The following RIN3 variants were observed in gnomAD, a reference collection of about 807,000 sequenced individuals.
The protein encoded by RIN3 is Ras and Rab interactor 3.
In RIN3, 54 loss-of-function variants were observed where a neutral mutation model predicts 76.3. That is an observed-to-expected ratio of 0.71 (90% confidence interval 0.57 to 0.89). RIN3 has a LOEUF of 0.89. Among genes scored for constraint, RIN3 ranks in the 40% least tolerant of loss-of-function variants. RIN3 has a pLI of 0.00. For missense variants in RIN3, 1,256 were observed against 1,322.1 expected (o/e 0.95, Z 0.78); for synonymous variants, 576 against 564.0 (o/e 1.02, Z -0.30).
chr14:92,685,459 AG>A lies in RIN3; in HGVS notation c.2631+313del. The stretch of plus-strand genomic sequence containing the variant: ...CCCCTCCTAGGACCCAGCACCCTGC[AG>A]GGGCTGGAGATGGGGACTTGTCATC... On this transcript the variant is annotated intron_variant, in intron 9 of 9. Transcript: ENST00000216487. This position sits in a 1 kb window ranked among gnomAD's most constrained non-coding sequence, Gnocchi z 4.7. The A allele has an allele frequency of 3.4e-6, 1 of 295,576 alleles. No homozygotes were observed. Among genetic ancestry groups the A allele is most frequent in the Non-Finnish European group, 6.5e-6 (1 of 154,814 alleles). The allele number at this position is 295,576 out of a possible 1,614,324, so 18.3% of individuals were successfully genotyped here.
At chr14:92,543,914 A>G (rs181290537) in intron 1 of RIN3, among the ~76,000 whole-genome samples, 6 of 151,974 alleles carry the variant, frequency 3.9e-5, no homozygotes, top group Admixed American at 1.3e-4. Context: ...CTGCCTCCTA[A>G]CAGTCTCAGA....
At chr14:92,556,083 C>A in intron 2 of RIN3, 128 bp downstream of exon 2, 1 of 783,432 alleles carries the variant, frequency 1.3e-6, no homozygotes, top group Admixed American at 2.5e-5. Context: ...ATTTCCCTTT[C>A]CTACATTTGT....
intron 3 of RIN3, among the ~76,000 whole-genome samples, chr14:92,611,076 T>A (rs1045710295): frequency 6.6e-6 from 1 of 152,186 alleles, no homozygotes. Context: ...CTCTCACAGT[T>A]CTGGAGGCCA....
At chr14:92,599,538 G>A (rs1459909190) in intron 3 of RIN3, among the ~76,000 whole-genome samples, 1 of 152,132 alleles carries the variant, frequency 6.6e-6, no homozygotes, top group Non-Finnish European at 1.5e-5. Flanking sequence ...TAACAGCAAG[G>A]GACGCAGTGA....
chr14:92,615,243 G>A (rs554742546), intron 3 of RIN3, among the ~76,000 whole-genome samples, 164 bp from the exon 4 acceptor site: 2 of 152,216 alleles, frequency 1.3e-5, no homozygotes, highest in East Asian at 3.9e-4. Flanking sequence ...ACTTACCTAA[G>A]GTCCAGCTGG....
At chr14:92,658,817 G>C (rs1887768031) in intron 6 of RIN3, among the ~76,000 whole-genome samples, 1 of 152,204 alleles carries the variant, frequency 6.6e-6, no homozygotes, top group African/African-American at 2.4e-5. Flanking sequence ...TGCCCAGGTT[G>C]TACACTGTAC....
At chr14:92,619,435 C>CT (rs33981976) in intron 4 of RIN3, among the ~76,000 whole-genome samples, 415 of 73,128 alleles carry the variant, frequency 5.7e-3, no homozygotes, top group East Asian at 0.021. Context: ...TTCTAGTAGT[C>CT]TTTTTTTTTT....
At chr14:92,581,539 C>T (rs1898436616) in intron 3 of RIN3, among the ~76,000 whole-genome samples, 1 of 152,126 alleles carries the variant, frequency 6.6e-6, no homozygotes, top group South Asian at 2.1e-4. Flanking sequence ...GGAGGAAAGG[C>T]ACATCAGGCT....
intron 6 of RIN3, among the ~76,000 whole-genome samples, chr14:92,658,354 G>A (rs1419360802): frequency 6.6e-6 from 1 of 152,260 alleles, no homozygotes; most frequent in East Asian, 1.9e-4. Flanking sequence ...CCCGGGGCAG[G>A]AGCAGGCCTG....
chr14:92,599,348 G>A (rs1434357123), intron 3 of RIN3, among the ~76,000 whole-genome samples: 5 of 152,206 alleles, frequency 3.3e-5, no homozygotes, highest in African/African-American at 1.2e-4. Flanking sequence ...AGACCAGGCA[G>A]TTATGGCAGA....
chr14:92,663,876 G>A (rs1887974071), intron 7 of RIN3, among the ~76,000 whole-genome samples: 1 of 151,770 alleles, frequency 6.6e-6, no homozygotes, highest in Admixed American at 6.5e-5. Flanking sequence ...CGATGCAGGG[G>A]CTGGGACAGC....
At chr14:92,674,889 CAAA>C (rs34494858) in intron 7 of RIN3, among the ~76,000 whole-genome samples, 9 of 118,540 alleles carry the variant, frequency 7.6e-5, no homozygotes, top group Admixed American at 8.9e-5. Flanking sequence ...AACTCTGTCT[CAAA>C]AAAAAAAAAA....
intron 7 of RIN3, among the ~76,000 whole-genome samples, chr14:92,673,414 T>C (rs755933700): frequency 2.6e-5 from 4 of 152,208 alleles, no homozygotes; most frequent in African/African-American, 4.8e-5. Context: ...AGTGGAACTT[T>C]GGGCTCATGT....
At chr14:92,516,784 C>A (rs1484350686) in intron 1 of RIN3, among the ~76,000 whole-genome samples, 1 of 152,156 alleles carries the variant, frequency 6.6e-6, no homozygotes, top group Non-Finnish European at 1.5e-5. Context: ...GGCCCTGGGT[C>A]CCTGATCTGT....
At chr14:92,637,304 T>G (rs1295083860) in intron 4 of RIN3, among the ~76,000 whole-genome samples, 6 of 152,004 alleles carry the variant, frequency 3.9e-5, no homozygotes, top group Non-Finnish European at 7.4e-5. Context: ...GCACAAAACC[T>G]AGACCCCTCA....
intron 2 of RIN3, among the ~76,000 whole-genome samples, chr14:92,560,226 A>G (rs1238368189): frequency 6.6e-6 from 1 of 152,162 alleles, no homozygotes; most frequent in Non-Finnish European, 1.5e-5. Flanking sequence ...GGTGCTGAGT[A>G]TAGAAGATGT....
intron 3 of RIN3, among the ~76,000 whole-genome samples, chr14:92,588,810 T>G (rs551812827): frequency 6.6e-6 from 1 of 152,224 alleles, no homozygotes; most frequent in East Asian, 1.9e-4. Context: ...GTAACCATAC[T>G]AGTACTAGCA....
chr14:92,659,122 A>G (rs2140150412), intron 6 of RIN3, 39 bp from the exon 7 acceptor site: 1 of 1,600,768 alleles, frequency 6.2e-7, no homozygotes, highest in Non-Finnish European at 8.6e-7. Context: ...GGATCCCTGC[A>G]TCTGGTTTCC....
chr14:92,632,711 G>T (rs1252112507), intron 4 of RIN3, among the ~76,000 whole-genome samples: 1 of 152,128 alleles, frequency 6.6e-6, no homozygotes. Flanking sequence ...CACTCCAGCC[G>T]CTCCCTCCAC....
Sources: allele counts gnomAD v4.1 joint callset (sites outside exome capture counted in the v4.1 genomes callset), GRCh38; gene constraint gnomAD v4.1.1; non-coding constraint Gnocchi (gnomAD v3.1); transcripts MANE v1.5; gene names NCBI Gene and HGNC (gene_info 2026-07-23, HGNC 2026-07-21).